The following UBE3B variants were observed in gnomAD, a reference collection of about 807,000 sequenced individuals.
UBE3B encodes the protein ubiquitin protein ligase E3B.
In UBE3B, 80 loss-of-function variants were observed where a neutral mutation model predicts 132.3. That is an observed-to-expected ratio of 0.60 (90% CI 0.50 to 0.73). The LOEUF is 0.73. UBE3B is among the 30% of genes least tolerant of loss of function. The pLI, the probability that UBE3B is intolerant of heterozygous loss-of-function variation, is 0.00. For synonymous variants in UBE3B, 487 were observed against 520.4 expected, an observed-to-expected ratio of 0.94 and a Z score of 0.87; for missense variants, 1,196 against 1,362.5, an observed-to-expected ratio of 0.88 and a Z score of 1.92.
chr12:109,502,474 G>A (rs991642922), intron 13 of UBE3B, among the ~76,000 whole-genome samples: 4 of 152,232 alleles, frequency 2.6e-5, no homozygotes, highest in Non-Finnish European at 4.4e-5. Context: ...GGTTCAGGGT[G>A]TCTGTTCTTC....
Position 109,521,392 on chromosome 12 carries a change from C to A in UBE3B, c.2254-49C>A, listed in dbSNP as rs1353619446. 1 of 1,595,116 alleles carries A rather than the reference C, an allele frequency of 6.3e-7. No individual in the cohort carries two copies. Among genetic ancestry groups the A allele is most frequent in the East Asian group, 2.2e-5 (1 of 44,476 alleles). ...CAAGAAGTGAAGAGCTGGGCTTGCTCCTTGCAAGGCACTTGACCTCTGCCT... is the reference window on the plus strand; with the variant it reads ...CAAGAAGTGAAGAGCTGGGCTTGCTACTTGCAAGGCACTTGACCTCTGCCT... On this transcript the variant is annotated intron_variant, in intron 20 of 27. Transcript: ENST00000342494. This position sits in a 1 kb window ranked among gnomAD's most constrained non-coding sequence, Gnocchi z 4.2.
chr12:109,509,535 A>ATT, intron 15 of UBE3B, 61 bp from the exon 16 acceptor site: 1 of 1,119,454 alleles, frequency 8.9e-7, no homozygotes, highest in East Asian at 2.4e-5. Context: ...AGCAGTACAG[A>ATT]TTTTTTTTCT....
Position 109,533,495 on chromosome 12 carries a change from C to T in UBE3B, c.2952C>T (p.Leu984=). 2 of 1,614,150 alleles carry T rather than the reference C, an allele frequency of 1.2e-6. No homozygotes were observed. The highest frequency in any genetic ancestry group is 1.7e-6 in the Non-Finnish European group (2 of 1,180,034). Residue 984 remains leucine, a synonymous_variant, in exon 27 of 28, where the codon CTC becomes CTT. Transcript: ENST00000342494. ...KFVTSCSRPP[L]LGFAYLKPPF... is the part of the protein sequence containing the mutation. ...TGACCAGCTGCTCCAGACCCCCGCT[C>T]CTGGGATTCGCCTACCTCAAGCCTC...
At chr12:109,533,804 C>G (rs1170201775) in intron 27 of UBE3B, 4 of 894,474 alleles carry the variant, frequency 4.5e-6, no homozygotes, top group African/African-American at 1.6e-5. Context: ...GGGAAGGGTA[C>G]CTGGAGTGGG....
intron 18 of UBE3B, among the ~76,000 whole-genome samples, chr12:109,516,532 C>T (rs1378237531): frequency 2.0e-5 from 3 of 152,114 alleles, no homozygotes; most frequent in Non-Finnish European, 2.9e-5. Context: ...GCAGCCAGAC[C>T]ACTCTTTCCG....
In UBE3B at chr12:109,524,420, C is replaced by G; in HGVS notation, c.2503-18C>G. The stretch of plus-strand genomic sequence containing the variant: ...GTGCTCCATGGCCCTAACACTTTCC[C>G]CTTCTCTGTTACATTAGCGCTATGA... On this transcript the variant is annotated intron_variant, in intron 22 of 27. Transcript: ENST00000342494. 1.2e-6 allele frequency: 2 copies of G among 1,614,126 alleles called. No individual in the cohort carries two copies. Among genetic ancestry groups the G allele is most frequent in the Non-Finnish European group, 1.7e-6 (2 of 1,179,952 alleles).
intron 19 of UBE3B, chr12:109,519,766 G>A (rs1483581696): frequency 1.3e-5 from 2 of 152,206 alleles, no homozygotes; most frequent in East Asian, 3.9e-4. Flanking sequence ...CAAACTTTAT[G>A]TACATAAAAA....
downstream of UBE3B, among the ~76,000 whole-genome samples, chr12:109,537,234 G>A (rs1445415653): frequency 6.6e-6 from 1 of 152,138 alleles, no homozygotes; most frequent in Non-Finnish European, 1.5e-5. Flanking sequence ...ACTTCTGGGT[G>A]TGCCAGGCGT....
chr12:109,524,631 C>A (rs1882107823), intron 23 of UBE3B, 128 bp downstream of exon 23: 2 of 1,001,306 alleles, frequency 2.0e-6, no homozygotes, highest in Non-Finnish European at 3.0e-6. Flanking sequence ...TCCTCCCCAC[C>A]CCTCGCCCAT....
At chr12:109,484,160 CTT>C in intron 4 of UBE3B, 179 bp downstream of exon 4, 1 of 583,650 alleles carries the variant, frequency 1.7e-6, no homozygotes, top group Non-Finnish European at 2.8e-6. Context: ...TTTTAGGAAT[CTT>C]TTCACATTGA....
chr12:109,516,339 T>G lies in UBE3B; in HGVS notation c.1957-426T>G, dbSNP rs149628068. Among the ~76,000 whole-genome samples the G allele has an allele frequency of 9.2e-4, 140 of 151,970 alleles. 1 individual carries two copies. The highest frequency in any genetic ancestry group is 2.8e-4 in the Non-Finnish European group (19 of 67,942). On this transcript the variant is annotated intron_variant, in intron 18 of 27. Coordinates refer to ENST00000342494, the MANE Select transcript of UBE3B (RefSeq NM_130466.4). ...GGTGCATGCCACCACACCCAGCTAATTTTTGTATTTTGTATTTAGTAGAGA... is the reference window on the plus strand; with the variant it reads ...GGTGCATGCCACCACACCCAGCTAAGTTTTGTATTTTGTATTTAGTAGAGA...
the UBE3B span, among the ~76,000 whole-genome samples, chr12:109,545,155 C>A: frequency 2.0e-5 from 3 of 152,270 alleles, no homozygotes; most frequent in Non-Finnish European, 2.9e-5. Context: ...TGACCTGCTC[C>A]CATCCCACTA....
At chr12:109,516,167 C>CTTTTTTTT (rs59084691) in intron 18 of UBE3B, among the ~76,000 whole-genome samples, 810 of 90,834 alleles carry the variant, frequency 8.9e-3, no homozygotes, top group Non-Finnish European at 0.012. Flanking sequence ...TCTTTTTTTT[C>CTTTTTTTT]TTTTTTTTTT....
chr12:109,526,757 G>C (rs978518777), intron 24 of UBE3B, among the ~76,000 whole-genome samples: 5 of 152,024 alleles, frequency 3.3e-5, no homozygotes, highest in African/African-American at 1.2e-4. Flanking sequence ...TGTAATCCCA[G>C]CTACTCAGGA....
intron 1 of UBE3B, among the ~76,000 whole-genome samples, chr12:109,479,624 A>G (rs1875003206): frequency 6.6e-6 from 1 of 152,232 alleles, no homozygotes; most frequent in African/African-American, 2.4e-5. Flanking sequence ...TGTGTGTTTT[A>G]TTAATTGACG....
At chr12:109,502,391 G>A (rs1246384716) in intron 13 of UBE3B, among the ~76,000 whole-genome samples, 1 of 152,160 alleles carries the variant, frequency 6.6e-6, no homozygotes, top group Non-Finnish European at 1.5e-5. Flanking sequence ...CTCGTTGCAC[G>A]CTCTTATTAA....
intron 1 of UBE3B, among the ~76,000 whole-genome samples, chr12:109,481,060 G>A (rs1378865054): frequency 1.3e-5 from 2 of 150,388 alleles, no homozygotes; most frequent in African/African-American, 4.9e-5. Flanking sequence ...AGCCAATATC[G>A]CGCCACTGCA....
intron 14 of UBE3B, among the ~76,000 whole-genome samples, chr12:109,506,029 C>T (rs908224458): frequency 6.6e-6 from 1 of 152,170 alleles, no homozygotes; most frequent in Admixed American, 6.5e-5. Flanking sequence ...AAACTATACC[C>T]GTGATGTGGC....
At position 109,486,570 on chromosome 12, in the gene UBE3B, C is replaced by T. The variant is rs565231353; in HGVS notation, c.442C>T (p.Leu148Phe). The T allele has an allele frequency of 1.5e-4, 145 of 983,346 alleles. 1 individual carries two copies. The highest frequency in any genetic ancestry group is 8.9e-4 in the Admixed American group (35 of 39,316). The allele number at this position is 983,346 out of a possible 1,614,324, so 60.9% of individuals were successfully genotyped here. ...GTACTGCTGTGATTTTCTCAAGCAGCTCAAGGTAACAAAAAAAAAAAAAAA... is the reference window on the plus strand; with the variant it reads ...GTACTGCTGTGATTTTCTCAAGCAGTTCAAGGTAACAAAAAAAAAAAAAAA... The part of the protein sequence containing the change: ...LWYCCDFLKQ[L>F]KPEILQDSRL... Residue 148 changes from leucine (L) to phenylalanine (F), a missense_variant, in exon 6 of 28, where the codon CTC (leucine) becomes TTC (phenylalanine). Physicochemically the swap from Leu to Phe is conservative, Grantham distance 22. Coordinates refer to ENST00000342494, the MANE Select transcript of UBE3B (RefSeq NM_130466.4).
Sources: gnomAD v4.1 joint callset for allele counts (sites outside exome capture counted in the v4.1 genomes callset) on GRCh38, gnomAD v4.1.1 for gene constraint, Gnocchi (gnomAD v3.1) non-coding constraint, MANE v1.5 for transcripts, NCBI Gene and HGNC (gene_info 2026-07-23, HGNC 2026-07-21) for gene names.